Variants in TBCD observed in about 807,000 individuals in gnomAD.
TBCD encodes tubulin folding cofactor D.
A neutral mutation model predicts 169.3 loss-of-function variants in TBCD; 105 were observed. That is an observed-to-expected ratio of 0.62 (90% CI 0.53 to 0.73). The LOEUF is 0.73. Ranked by LOEUF, TBCD falls within the 30% of genes least tolerant of loss-of-function variation. The pLI, the probability that TBCD is intolerant of heterozygous loss-of-function variation, is 0.00. For missense variants in TBCD, 1,444 were observed against 1,600.1 expected (o/e 0.90, Z 1.66); for synonymous variants, 700 against 643.9 (o/e 1.09, Z -1.32).
intron 20 of TBCD, among the ~76,000 whole-genome samples, chr17:82,906,834 C>T (rs559787272): frequency 3.1e-4 from 47 of 152,342 alleles, no homozygotes; most frequent in African/African-American, 1.0e-3. Flanking sequence ...GACGCTCGCT[C>T]GTGTGGGTGC....
chr17:82,929,591 C>G (rs777565342), intron 32 of TBCD, 91 bp downstream of exon 32: 2 of 1,529,650 alleles, frequency 1.3e-6, no homozygotes, highest in Admixed American at 3.6e-5. Flanking sequence ...GGAGCTGGGC[C>G]TTTTCTTCCA....
At chr17:82,783,603 C>T (rs918397389) in intron 7 of TBCD, among the ~76,000 whole-genome samples, 3 of 152,212 alleles carry the variant, frequency 2.0e-5, no homozygotes, top group African/African-American at 7.2e-5. Context: ...GAGTCGTACA[C>T]GACACAGCCT....
chr17:82,902,744 T>C (rs2146711950), intron 18 of TBCD, among the ~76,000 whole-genome samples: 1 of 152,326 alleles, frequency 6.6e-6, no homozygotes, highest in South Asian at 2.1e-4. Context: ...ACATTTTGCT[T>C]CTTTGTTGTT....
intron 14 of TBCD, among the ~76,000 whole-genome samples, chr17:82,883,239 C>T (rs76391935): frequency 0.028 from 4,294 of 152,374 alleles, 89 homozygotes; most frequent in Middle Eastern, 0.068. Flanking sequence ...ACCTCGGAGG[C>T]GCTGGCGGCC....
At chr17:82,867,715 G>C (rs1422395371) in intron 13 of TBCD, among the ~76,000 whole-genome samples, 1 of 152,206 alleles carries the variant, frequency 6.6e-6, no homozygotes, top group African/African-American at 2.4e-5. Flanking sequence ...CCGCCTTCTT[G>C]TTTGGTTTCG....
rs1002088962 is a variant in TBCD, at chr17:82,930,875, G to A, written c.3113+232G>A. Among the ~76,000 whole-genome samples, 2 of 152,218 alleles carry A rather than the reference G, an allele frequency of 1.3e-5. No homozygotes were observed. The highest frequency in any genetic ancestry group is 4.1e-4 in the South Asian group (2 of 4,834). ...CTCTTCTAGCCTCCACATGAGGCAG[G>A]GAAATGACCGTTGTGTGTACAATGG... is the stretch of plus-strand genomic sequence containing the variant. On this transcript the variant is annotated intron_variant, in intron 33 of 38. Coordinates refer to ENST00000355528, the MANE Select transcript of TBCD (RefSeq NM_005993.5). The surrounding 1 kb of genome is among the most constrained non-coding windows in gnomAD (Gnocchi z 5.2).
intron 13 of TBCD, chr17:82,830,477 C>T: frequency 2.5e-6 from 4 of 1,613,292 alleles, no homozygotes; most frequent in Non-Finnish European, 3.4e-6. Flanking sequence ...TCGCCGGGGC[C>T]TGTGGGTGGG....
At chr17:82,927,451 GC>G in intron 29 of TBCD, 128 bp downstream of exon 29, 1 of 1,326,044 alleles carries the variant, frequency 7.5e-7, no homozygotes, top group South Asian at 1.5e-5. Flanking sequence ...CGTTTTAAAG[GC>G]TCTGGGGAAG....
chr17:82,899,377 G>A (rs767950754), intron 17 of TBCD, among the ~76,000 whole-genome samples: 3 of 72,098 alleles, frequency 4.2e-5, no homozygotes, highest in African/African-American at 1.1e-4. Context: ...CTCAGCGCAC[G>A]TGTCCTCAGC....
At chr17:82,904,136 G>A (rs9894058) in intron 19 of TBCD, among the ~76,000 whole-genome samples, 85,290 of 92,836 alleles carry the variant, frequency 0.92, 38,919 homozygotes, top group Admixed American at 0.93. Context: ...CCTGCCACAC[G>A]ACACTCCTTG....
chr17:82,831,499 T>C lies in TBCD; in HGVS notation c.1318+16565T>C, dbSNP rs1258987280. ...TGCAGACTCTGGCCTGTAAAATCCG[T>C]AAGGAATCGGCAGGTTAGAGGGATA... On this transcript the variant is annotated intron_variant, in intron 13 of 38. Transcript: ENST00000355528. The surrounding 1 kb of genome is among the most constrained non-coding windows in gnomAD (Gnocchi z 4.6). The C allele has an allele frequency of 3.1e-6, 5 of 1,614,048 alleles. No individual in the cohort carries two copies. Among genetic ancestry groups the C allele is most frequent in the Non-Finnish European group, 3.4e-6 (4 of 1,180,008 alleles).
At chr17:82,758,302 C>T (rs1455084454) in intron 2 of TBCD, among the ~76,000 whole-genome samples, 7 of 139,900 alleles carry the variant, frequency 5.0e-5, no homozygotes, top group Non-Finnish European at 4.5e-5. Flanking sequence ...GAGAATTGCC[C>T]GAACCCAGGA....
chr17:82,870,108 T>C (rs1025328210), intron 13 of TBCD, 116 bp from the exon 14 acceptor site: 1 of 1,420,224 alleles, frequency 7.0e-7, no homozygotes. Context: ...GTCGCTTGCG[T>C]GCCTCACTCA....
intron 13 of TBCD, among the ~76,000 whole-genome samples, chr17:82,827,734 C>G (rs147702748): frequency 1.3e-5 from 2 of 150,042 alleles, no homozygotes; most frequent in African/African-American, 2.5e-5. Flanking sequence ...CCCACAGATA[C>G]ACACACGTGC....
chr17:82,930,517 T>A lies in TBCD; in HGVS notation c.2992-5T>A. The A allele has an allele frequency of 6.2e-7, 1 of 1,612,596 alleles. No homozygotes were observed. The highest frequency in any genetic ancestry group is 8.5e-7 in the Non-Finnish European group (1 of 1,179,548). The stretch of plus-strand genomic sequence containing the variant: ...ACTGCCTTCTGAGGTGTCTCCGTGT[T>A]GCAGATCCGGCACTCCACCCAGAGC... On this transcript the variant is annotated splice_region_variant and splice_polypyrimidine_tract_variant and intron_variant, in intron 32 of 38. Transcript: ENST00000355528. This position sits in a 1 kb window ranked among gnomAD's most constrained non-coding sequence, Gnocchi z 5.2.
chr17:82,762,475 G>A (rs1415209734), intron 2 of TBCD, among the ~76,000 whole-genome samples: 3 of 152,122 alleles, frequency 2.0e-5, no homozygotes, highest in Non-Finnish European at 2.9e-5. Context: ...TTGGCCAGGC[G>A]CGGTGGCTCC....
At position 82,806,737 on chromosome 17, in the gene TBCD, T is replaced by C. The variant is rs964414380; in HGVS notation, c.1087+726T>C. ...TCCAGGGCAGGTTTCTCCCCAGTCA[T>C]CTGCACCCCACCTCGACCGTGACCA... On this transcript the variant is annotated intron_variant, in intron 10 of 38. Transcript: ENST00000355528. The surrounding 1 kb of genome is among the most constrained non-coding windows in gnomAD (Gnocchi z 5.1). Among the ~76,000 whole-genome samples, 2 of 152,092 alleles carry C rather than the reference T, an allele frequency of 1.3e-5. No homozygotes were observed. The highest frequency in any genetic ancestry group is 4.8e-5 in the African/African-American group (2 of 41,412).
At chr17:82,815,581 A>G (rs2051827242) in intron 13 of TBCD, among the ~76,000 whole-genome samples, 1 of 152,228 alleles carries the variant, frequency 6.6e-6, no homozygotes, top group South Asian at 2.1e-4. Context: ...GGCCACACGC[A>G]GCCCTGTCTG....
intron 7 of TBCD, among the ~76,000 whole-genome samples, chr17:82,791,591 G>C (rs1371944304): frequency 6.6e-6 from 1 of 152,160 alleles, no homozygotes; most frequent in Non-Finnish European, 1.5e-5. Context: ...ATGCAAAGAT[G>C]GGCTGTGCAG....
Sources: allele counts gnomAD v4.1 joint callset (sites outside exome capture counted in the v4.1 genomes callset), GRCh38; gene constraint gnomAD v4.1.1; non-coding constraint Gnocchi (gnomAD v3.1); transcripts MANE v1.5; gene names NCBI Gene and HGNC (gene_info 2026-07-23, HGNC 2026-07-21).